Variants in CDK5RAP2 observed in about 807,000 individuals in gnomAD.
The protein encoded by CDK5RAP2 is CDK5 regulatory subunit-associated protein 2.
Under a neutral mutation model 232.9 loss-of-function variants are expected in CDK5RAP2, and 147 were observed. The observed-to-expected ratio is 0.63, with a 90% CI of 0.55 to 0.72. The LOEUF (loss-of-function observed/expected upper bound fraction) is 0.72, where lower values mean the gene tolerates loss of function less well. CDK5RAP2 is among the 30% of genes least tolerant of loss of function. CDK5RAP2 has a pLI of 0.00. For synonymous variants in CDK5RAP2, 833 were observed against 833.7 expected (o/e 1.00, Z 0.01); for missense variants, 2,195 against 2,231.5 (o/e 0.98, Z 0.33).
chr9:120,403,227 G>C lies in CDK5RAP2; in HGVS notation c.5042-156C>G, dbSNP rs2033190174. ...AGAGGGGAAAAGAGGCACGCTCCTG[G>C]ACCTCTGTATATTACCCCACACTGG... On this transcript the variant is annotated intron_variant, in intron 33 of 37. Transcript: ENST00000349780. The surrounding 1 kb of genome is among the most constrained non-coding windows in gnomAD (Gnocchi z 4.2). The C allele has an allele frequency of 1.5e-6, 1 of 685,488 alleles. No individual in the cohort carries two copies. The highest frequency in any genetic ancestry group is 2.5e-6 in the Non-Finnish European group (1 of 397,030). 42.5% of individuals were successfully genotyped at this position (685,488 alleles called of 1,614,324 possible).
chr9:120,390,045 G>C, intron 36 of CDK5RAP2: 2 of 498,570 alleles, frequency 4.0e-6, no homozygotes, highest in Non-Finnish European at 7.4e-6. Context: ...AGAGGCTACA[G>C]CATGCTATGC....
chr9:120,453,948 GTTATC>G (rs1396550712), intron 20 of CDK5RAP2, 75 bp from the exon 21 acceptor site: 10 of 1,448,192 alleles, frequency 6.9e-6, no homozygotes, highest in Non-Finnish European at 8.7e-6. Flanking sequence ...AGTATCCCAA[GTTATC>G]CCCACCTACT....
intron 36 of CDK5RAP2, among the ~76,000 whole-genome samples, chr9:120,392,008 T>C (rs930422342): frequency 6.6e-6 from 1 of 152,182 alleles, no homozygotes; most frequent in African/African-American, 2.4e-5. Context: ...CTAGGAGATA[T>C]GGAGATGGAC....
chr9:120,438,981 T>C (rs2035739869), intron 24 of CDK5RAP2, among the ~76,000 whole-genome samples: 1 of 152,180 alleles, frequency 6.6e-6, no homozygotes, highest in African/African-American at 2.4e-5. Context: ...AAAATATTTA[T>C]ATTCCTCCTA....
At chr9:120,430,742 C>T (rs1452674057) in intron 25 of CDK5RAP2, among the ~76,000 whole-genome samples, 6 of 151,410 alleles carry the variant, frequency 4.0e-5, no homozygotes, top group African/African-American at 1.5e-4. Context: ...TACCATTTGA[C>T]CCAGCCATCC....
At chr9:120,424,830 G>A (rs1441162825) in intron 25 of CDK5RAP2, among the ~76,000 whole-genome samples, 1 of 151,866 alleles carries the variant, frequency 6.6e-6, no homozygotes, top group Non-Finnish European at 1.5e-5. Context: ...CTCCTGAGGA[G>A]CTGGGACTAC....
Position 120,524,186 on chromosome 9 carries a change from C to T in CDK5RAP2, c.1092+800G>A, listed in dbSNP as rs527699995. 6.6e-5 allele frequency among the ~76,000 whole-genome samples: 10 copies of T among 152,324 alleles called. No individual in the cohort carries two copies. In the South Asian group the frequency reaches 2.1e-3, roughly 32 times the overall value. On this transcript the variant is annotated intron_variant, in intron 11 of 37. Coordinates refer to ENST00000349780, the MANE Select transcript of CDK5RAP2 (RefSeq NM_018249.6). ...CTTCATAGAGCTGCTGTTCAGTTAA[C>T]TGAGATAATCTATGGGGAGCACTTA...
intron 25 of CDK5RAP2, among the ~76,000 whole-genome samples, chr9:120,434,157 G>T (rs1476714044): frequency 6.6e-6 from 1 of 152,174 alleles, no homozygotes; most frequent in Non-Finnish European, 1.5e-5. Flanking sequence ...ATAGGCAGGG[G>T]TGCCTTGCTA....
At chr9:120,565,546 G>A (rs748409117) in intron 3 of CDK5RAP2, among the ~76,000 whole-genome samples, 4 of 152,128 alleles carry the variant, frequency 2.6e-5, no homozygotes, top group Non-Finnish European at 4.4e-5. Flanking sequence ...GCTGGCCCCT[G>A]CCTGCTTCAA....
At chr9:120,540,757 C>A (rs2041596781) in intron 5 of CDK5RAP2, among the ~76,000 whole-genome samples, 1 of 152,214 alleles carries the variant, frequency 6.6e-6, no homozygotes. Context: ...ATGATTACCT[C>A]TCAGAATTAA....
chr9:120,458,461 T>C lies in CDK5RAP2; in HGVS notation c.2364A>G (p.Leu788=). The C allele has an allele frequency of 6.2e-7, 1 of 1,614,128 alleles. No homozygotes were observed. Among genetic ancestry groups the C allele is most frequent in the Non-Finnish European group, 8.5e-7 (1 of 1,179,998 alleles). Residue 788 remains leucine (L), a synonymous_variant, in exon 20 of 38, where the codon TTA becomes TTG. Coordinates refer to ENST00000349780, the MANE Select transcript of CDK5RAP2 (RefSeq NM_018249.6). ...GGCCCCATGTATACCTGGATTCCAGTAATAATGTGGCCTTCTCATTGAACA... is the reference window on the plus strand; with the variant it reads ...GGCCCCATGTATACCTGGATTCCAGCAATAATGTGGCCTTCTCATTGAACA... ...APLFNEKATL[L]LESRPDLLKV... is the part of the protein sequence containing the mutation.
chr9:120,520,896 C>T (rs2040616427), intron 11 of CDK5RAP2, among the ~76,000 whole-genome samples: 1 of 151,424 alleles, frequency 6.6e-6, no homozygotes, highest in African/African-American at 2.4e-5. Context: ...TGAACTGTAT[C>T]TCATATATCA....
intron 25 of CDK5RAP2, among the ~76,000 whole-genome samples, chr9:120,427,814 C>T (rs1047359341): frequency 9.2e-5 from 14 of 152,128 alleles, no homozygotes; most frequent in African/African-American, 3.1e-4. Flanking sequence ...TTTTTTTCAG[C>T]ACCACACCAT....
intron 15 of CDK5RAP2, among the ~76,000 whole-genome samples, chr9:120,474,456 T>C (rs2037893645): frequency 6.6e-6 from 1 of 152,118 alleles, no homozygotes; most frequent in South Asian, 2.1e-4. Flanking sequence ...GTTAAACATC[T>C]TACAAAGCAC....
chr9:120,391,131 C>T (rs1231262601), intron 36 of CDK5RAP2, among the ~76,000 whole-genome samples: 1 of 152,112 alleles, frequency 6.6e-6, no homozygotes, highest in Admixed American at 6.5e-5. Context: ...GAGACCACAG[C>T]TTTCTCCAGA....
At chr9:120,402,203 G>C (rs1438605874) in intron 34 of CDK5RAP2, among the ~76,000 whole-genome samples, 1 of 152,016 alleles carries the variant, frequency 6.6e-6, no homozygotes, top group African/African-American at 2.4e-5. Flanking sequence ...TGAGGCAGGA[G>C]GATTGCTTGA....
chr9:120,574,839 T>A (rs1172150604), intron 1 of CDK5RAP2, among the ~76,000 whole-genome samples: 3 of 117,334 alleles, frequency 2.6e-5, no homozygotes, highest in Admixed American at 1.7e-4. Flanking sequence ...TTTTTTTTTT[T>A]AATGAGGAAA....
intron 12 of CDK5RAP2, chr9:120,517,958 T>C (rs149890580): frequency 0.011 from 2,585 of 233,580 alleles, 39 homozygotes; most frequent in South Asian, 0.019. Flanking sequence ...GCAGAAGTCA[T>C]AAGGCAAAAA....
chr9:120,465,506 T>C (rs2037327771), intron 18 of CDK5RAP2, among the ~76,000 whole-genome samples: 1 of 152,112 alleles, frequency 6.6e-6, no homozygotes, highest in Admixed American at 6.5e-5. Context: ...GGTGAGGCTC[T>C]ACACCAGGGC....
Sources: allele counts gnomAD v4.1 joint callset (sites outside exome capture counted in the v4.1 genomes callset), GRCh38; gene constraint gnomAD v4.1.1; non-coding constraint Gnocchi (gnomAD v3.1); transcripts MANE v1.5; gene names NCBI Gene and HGNC (gene_info 2026-07-23, HGNC 2026-07-21).